Variants in NEO1 observed in about 807,000 individuals in gnomAD.
The protein encoded by NEO1 is neogenin 1.
In NEO1, 63 loss-of-function variants were observed where a neutral mutation model predicts 159.7. The observed-to-expected ratio is 0.39, with a 90% CI of 0.32 to 0.49. The LOEUF is 0.49. Ranked by LOEUF, NEO1 falls within the 20% of genes least tolerant of loss-of-function variation. The probability of loss-of-function intolerance (pLI) is 0.85; values close to 1 mark genes in which losing one functional copy is unlikely to be tolerated. For synonymous variants in NEO1, 633 were observed against 662.0 expected (o/e 0.96, Z 0.67); for missense variants, 1,615 against 1,831.0 (o/e 0.88, Z 2.15).
chr15:73,156,037 A>G (rs1411390670), intron 5 of NEO1, among the ~76,000 whole-genome samples: 1 of 152,090 alleles, frequency 6.6e-6, no homozygotes, highest in Non-Finnish European at 1.5e-5. Context: ...CATACTTCCT[A>G]TATCTTTACA....
intron 5 of NEO1, among the ~76,000 whole-genome samples, chr15:73,169,898 T>C (rs1331332689): frequency 6.6e-6 from 1 of 151,986 alleles, no homozygotes; most frequent in Non-Finnish European, 1.5e-5. Flanking sequence ...ATAATTTTCA[T>C]AATGGAATAA....
At chr15:73,253,013 A>G (rs1318545255) in intron 11 of NEO1, among the ~76,000 whole-genome samples, 1 of 147,288 alleles carries the variant, frequency 6.8e-6, no homozygotes, top group Admixed American at 6.9e-5. Flanking sequence ...AACAAAACAA[A>G]AAGATAAACC....
chr15:73,093,058 G>C lies in NEO1; in HGVS notation c.131-23482G>C, dbSNP rs183820321. ...TTCCTTATTTTTGATGACCTTGATA[G>C]TTTTAAGGAGTACTGGTCAGGTATT... On this transcript the variant is annotated intron_variant, in intron 1 of 28. Transcript: ENST00000261908. Among the ~76,000 whole-genome samples, 27 of 152,258 alleles carry C rather than the reference G, an allele frequency of 1.8e-4. 1 individual carries two copies. In the East Asian group the frequency reaches 4.6e-3, roughly 26 times the overall value.
intron 7 of NEO1, among the ~76,000 whole-genome samples, chr15:73,185,380 C>T (rs1225781362): frequency 6.6e-6 from 1 of 152,092 alleles, no homozygotes; most frequent in Non-Finnish European, 1.5e-5. Flanking sequence ...ATGTGTAGGG[C>T]AGAGGAAATT....
At chr15:73,233,615 A>G (rs1418028532) in intron 7 of NEO1, among the ~76,000 whole-genome samples, 1 of 152,206 alleles carries the variant, frequency 6.6e-6, no homozygotes, top group Non-Finnish European at 1.5e-5. Flanking sequence ...CAATGTAAAC[A>G]TGAAAAATGG....
At chr15:73,227,286 A>C (rs1389224271) in intron 7 of NEO1, among the ~76,000 whole-genome samples, 2 of 152,218 alleles carry the variant, frequency 1.3e-5, no homozygotes, top group Admixed American at 1.3e-4. Context: ...ACTTGAGGTC[A>C]GGAGTTCGAG....
At chr15:73,068,226 C>CA (rs1567120970) in intron 1 of NEO1, among the ~76,000 whole-genome samples, 7 of 107,782 alleles carry the variant, frequency 6.5e-5, no homozygotes, top group Admixed American at 4.2e-4. Flanking sequence ...TCCCCCTACC[C>CA]CCCCCCCTTT....
intron 1 of NEO1, among the ~76,000 whole-genome samples, chr15:73,111,853 T>G (rs1422210698): frequency 6.6e-6 from 1 of 152,172 alleles, no homozygotes; most frequent in African/African-American, 2.4e-5. Flanking sequence ...CAGACTGGTC[T>G]TGAACTCCTG....
At chr15:73,284,839 C>T (rs1200534759) in intron 23 of NEO1, among the ~76,000 whole-genome samples, 7 of 152,086 alleles carry the variant, frequency 4.6e-5, no homozygotes, top group Admixed American at 2.0e-4. Flanking sequence ...CCGCCCGCCT[C>T]GGCTTCCCAA....
At chr15:73,053,480 A>G (rs1391739217) in intron 1 of NEO1, among the ~76,000 whole-genome samples, 1 of 152,230 alleles carries the variant, frequency 6.6e-6, no homozygotes, top group Non-Finnish European at 1.5e-5. Flanking sequence ...CCTGGGGATT[A>G]CAACTATATT....
chr15:73,210,568 C>T (rs1392198989), intron 7 of NEO1, among the ~76,000 whole-genome samples: 2 of 152,196 alleles, frequency 1.3e-5, no homozygotes, highest in Non-Finnish European at 2.9e-5. Flanking sequence ...AAGCAAATAA[C>T]TTGGGTGGAA....
intron 1 of NEO1, among the ~76,000 whole-genome samples, chr15:73,110,302 A>G (rs915389501): frequency 1.3e-5 from 2 of 152,220 alleles, no homozygotes; most frequent in African/African-American, 2.4e-5. Context: ...TCTTACAATG[A>G]ACATTATACA....
Position 73,083,296 on chromosome 15 carries a change from C to A in NEO1, c.130+30491C>A, listed in dbSNP as rs143374388. Among the ~76,000 whole-genome samples the A allele has an allele frequency of 9.0e-3, 1,374 of 152,102 alleles. 10 individuals are homozygous for A. The highest frequency in any genetic ancestry group is 0.013 in the Non-Finnish European group (912 of 67,998). On this transcript the variant is annotated intron_variant, in intron 1 of 28. Coordinates refer to ENST00000261908, the MANE Select transcript of NEO1 (RefSeq NM_002499.4). ...GTAAATGGGCGTGATGAGAGGCTGC[C>A]ATATTTCAAATATATTTGAGGTAGA...
At chr15:73,194,699 A>G (rs34291790) in intron 7 of NEO1, among the ~76,000 whole-genome samples, 11,858 of 152,260 alleles carry the variant, frequency 0.078, 551 homozygotes, top group Non-Finnish European at 0.097. Flanking sequence ...TGGAGGGGAC[A>G]AACATCCAGA....
In NEO1 at chr15:73,052,475, C is replaced by T. The variant is rs577116019; in HGVS notation, c.-201C>T. 1.4e-5 allele frequency: 3 copies of T among 209,766 alleles called. No individual in the cohort carries two copies. Among genetic ancestry groups the T allele is most frequent in the Admixed American group, 1.2e-4 (2 of 16,672 alleles). 13.0% of individuals were successfully genotyped at this position (209,766 alleles called of 1,614,324 possible). ...TCTTCGCTCTCCTCCCCTCCCCGCC[C>T]CCTTGCAGGAGGGAGGCGCCCTGGA... On this transcript the variant is annotated 5_prime_UTR_variant, in exon 1 of 29. Transcript: ENST00000261908.
chr15:73,068,233 C>CT lies in NEO1; in HGVS notation c.130+15437dup, dbSNP rs1555421035. On this transcript the variant is annotated intron_variant, in intron 1 of 28. Transcript: ENST00000261908. ...TGTTTTTGTCCCCCTACCCCCCCCC[C>CT]TTTTTTTTTGAGACAGTGTCTCACT... 7.2e-3 allele frequency among the ~76,000 whole-genome samples: 988 copies of CT among 136,648 alleles called. 11 individuals are homozygous for CT. The highest frequency in any genetic ancestry group is 0.012 in the Non-Finnish European group (783 of 63,186). The allele number at this position is 136,648 out of a possible 152,430, so 89.6% of individuals were successfully genotyped here.
intron 5 of NEO1, among the ~76,000 whole-genome samples, chr15:73,144,116 T>C (rs2151798069): frequency 6.6e-6 from 1 of 152,352 alleles, no homozygotes; most frequent in East Asian, 1.9e-4. Context: ...ACTTTGTTTT[T>C]CATAGACTTC....
chr15:73,296,192 A>G (rs1200990426), intron 26 of NEO1, among the ~76,000 whole-genome samples: 1 of 152,106 alleles, frequency 6.6e-6, no homozygotes, highest in African/African-American at 2.4e-5. Context: ...CAGTCAGGAG[A>G]GGCCGGTTTG....
intron 1 of NEO1, among the ~76,000 whole-genome samples, chr15:73,086,823 T>G (rs912250571): frequency 6.6e-6 from 1 of 151,770 alleles, no homozygotes; most frequent in African/African-American, 2.4e-5. Context: ...GCCTGGCTAA[T>G]TTTTGTATTT....
Sources: gnomAD v4.1 joint callset for allele counts (sites outside exome capture counted in the v4.1 genomes callset) on GRCh38, gnomAD v4.1.1 for gene constraint, MANE v1.5 for transcripts, NCBI Gene and HGNC (gene_info 2026-07-23, HGNC 2026-07-21) for gene names.